Variants in NPR3 observed in about 807,000 individuals in gnomAD.
The protein encoded by NPR3 is atrial natriuretic peptide receptor 3.
Under a neutral mutation model 54.5 loss-of-function variants are expected in NPR3, and 34 were observed. The ratio of observed to expected loss-of-function variants is 0.62; its 90% CI spans 0.47 to 0.83. The LOEUF is 0.83. Among genes scored for constraint, NPR3 ranks in the 40% least tolerant of loss-of-function variants. The probability of loss-of-function intolerance (pLI) is 0.00; values close to 1 mark genes in which losing one functional copy is unlikely to be tolerated. For synonymous variants in NPR3, 289 were observed against 297.1 expected (o/e 0.97, Z 0.28); for missense variants, 674 against 720.8 (o/e 0.94, Z 0.74).
At chr5:32,739,059 TTA>T (rs759336605) in intron 3 of NPR3, 29 bp downstream of exon 3, 2 of 1,602,492 alleles carry the variant, frequency 1.2e-6, no homozygotes, top group Admixed American at 3.4e-5. Flanking sequence ...GCCTAGACCT[TTA>T]GCATCCTGAA....
rs998369327 is a variant in NPR3 at position 32,790,191 on chromosome 5, C to G, written c.*3846C>G. ...ATGAGATGATGGTGTTCAGAGGGAC[C>G]AGCTTCTTTTTCAGTTGTCTTTAGA... On this transcript the variant is annotated 3_prime_UTR_variant, in exon 8 of 8. Coordinates refer to ENST00000265074, the MANE Select transcript of NPR3 (RefSeq NM_001204375.2). 1 of 171,940 alleles carries G rather than the reference C, an allele frequency of 5.8e-6. No individual in the cohort carries two copies. The highest frequency in any genetic ancestry group is 1.4e-5 in the Non-Finnish European group (1 of 70,932). 10.7% of individuals were successfully genotyped at this position (171,940 alleles called of 1,614,324 possible).
intron 3 of NPR3, among the ~76,000 whole-genome samples, chr5:32,751,261 T>A (rs563688312): frequency 6.6e-6 from 1 of 152,308 alleles, no homozygotes; most frequent in South Asian, 2.1e-4. Flanking sequence ...ACTCTTTTGT[T>A]GTAAAATGAG....
At chr5:32,712,677 T>C in intron 1 of NPR3, 132 bp downstream of exon 1, 1 of 830,392 alleles carries the variant, frequency 1.2e-6, no homozygotes, top group Non-Finnish European at 1.9e-6. Flanking sequence ...GGGCACTCGT[T>C]CAGGTATGCG....
At chr5:32,740,435 G>A (rs930023744) in intron 3 of NPR3, among the ~76,000 whole-genome samples, 8 of 152,008 alleles carry the variant, frequency 5.3e-5, no homozygotes, top group African/African-American at 1.9e-4. Context: ...GACATACAAA[G>A]GTTCTTATAA....
At chr5:32,706,146 C>T (rs1163462429), upstream of NPR3, among the ~76,000 whole-genome samples, 3 of 152,230 alleles carry the variant, frequency 2.0e-5, no homozygotes, top group African/African-American at 7.2e-5. Context: ...TGGCACCTCC[C>T]TGCCAACCCT....
intron 3 of NPR3, among the ~76,000 whole-genome samples, chr5:32,748,790 AAT>A (rs1247651094): frequency 6.6e-6 from 1 of 152,180 alleles, no homozygotes; most frequent in Non-Finnish European, 1.5e-5. Context: ...ATTTCACAAT[AAT>A]ATGAGTGTTT....
chr5:32,713,022 G>T (rs1283207598), intron 1 of NPR3: 21 of 305,530 alleles, frequency 6.9e-5, no homozygotes, highest in Non-Finnish European at 9.6e-5. Context: ...CACTTAGCTC[G>T]CCCGCTCTTG....
intron 3 of NPR3, among the ~76,000 whole-genome samples, chr5:32,755,914 C>T (rs1740814091): frequency 6.6e-6 from 1 of 152,186 alleles, no homozygotes. Context: ...TCATCCATGT[C>T]CCTACAAAGG....
intron 4 of NPR3, among the ~76,000 whole-genome samples, chr5:32,777,902 A>AGTGT (rs1448441590): frequency 6.6e-6 from 1 of 152,208 alleles, no homozygotes; most frequent in African/African-American, 2.4e-5. Context: ...AGTTTTGCAC[A>AGTGT]ATACACTGAG....
At chr5:32,769,281 TG>T (rs1213513011) in intron 3 of NPR3, among the ~76,000 whole-genome samples, 1 of 152,228 alleles carries the variant, frequency 6.6e-6, no homozygotes, top group Non-Finnish European at 1.5e-5. Flanking sequence ...ATTTGTAAAG[TG>T]TTCATCAAAT....
chr5:32,743,560 C>T (rs1215581757), intron 3 of NPR3, among the ~76,000 whole-genome samples: 2 of 152,118 alleles, frequency 1.3e-5, no homozygotes, highest in Non-Finnish European at 2.9e-5. Context: ...CTGATTGTAA[C>T]CATTTCTGCA....
rs567549649 is a variant in NPR3 at position 32,743,517 on chromosome 5, A to C, written c.1059+4487A>C. ...CTCAGTTTTTCTTTATTCTGTTATA[A>C]AGTTGTGATGTGAGTTGCATTAGTA... On this transcript the variant is annotated intron_variant, in intron 3 of 7. Coordinates refer to ENST00000265074, the MANE Select transcript of NPR3 (RefSeq NM_001204375.2). Among the ~76,000 whole-genome samples the C allele has an allele frequency of 2.0e-5, 3 of 152,286 alleles. No homozygotes were observed. The South Asian group carries it at 6.2e-4, about 32-fold the overall frequency.
At chr5:32,734,402 G>T (rs1402923612) in intron 2 of NPR3, among the ~76,000 whole-genome samples, 1 of 152,172 alleles carries the variant, frequency 6.6e-6, no homozygotes, top group Admixed American at 6.5e-5. Flanking sequence ...GGAACTACAG[G>T]ATGGCACAGT....
At chr5:32,710,503 C>T, upstream of NPR3, 2 of 740,284 alleles carry the variant, frequency 2.7e-6, no homozygotes, top group Non-Finnish European at 3.9e-6. Context: ...TTCCTGCTCT[C>T]AGTGCGCTGA....
intron 5 of NPR3, among the ~76,000 whole-genome samples, 181 bp downstream of exon 5, chr5:32,780,997 T>G (rs1168660942): frequency 2.0e-5 from 3 of 152,212 alleles, no homozygotes; most frequent in African/African-American, 7.2e-5. Flanking sequence ...CCTTGTTTAT[T>G]CTAAATGAGG....
At chr5:32,785,420 GGATTACAGGTGT>G in intron 7 of NPR3, among the ~76,000 whole-genome samples, 1 of 152,084 alleles carries the variant, frequency 6.6e-6, no homozygotes, top group East Asian at 1.9e-4. Flanking sequence ...CAAAGTGCTG[GGATTACAGGTGT>G]GAGCCACTGT....
intron 3 of NPR3, among the ~76,000 whole-genome samples, chr5:32,745,267 G>C (rs1414065773): frequency 6.6e-6 from 1 of 152,200 alleles, no homozygotes; most frequent in African/African-American, 2.4e-5. Context: ...AATCTAAAGT[G>C]AGAAGTAAAG....
intron 3 of NPR3, among the ~76,000 whole-genome samples, chr5:32,760,354 T>G (rs150412749): frequency 6.6e-5 from 10 of 152,348 alleles, no homozygotes; most frequent in Admixed American, 2.0e-4. Flanking sequence ...CAACCTCATT[T>G]ACACTTGGTG....
intron 1 of NPR3, among the ~76,000 whole-genome samples, chr5:32,698,775 C>CCAATA (rs1381517106): frequency 6.8e-6 from 1 of 147,950 alleles, no homozygotes. Flanking sequence ...TCTATTTTGT[C>CCAATA]TAAGTATAGC....
Sources: allele counts gnomAD v4.1 joint callset (sites outside exome capture counted in the v4.1 genomes callset), GRCh38; gene constraint gnomAD v4.1.1; transcripts MANE v1.5; gene names NCBI Gene and HGNC (gene_info 2026-07-23, HGNC 2026-07-21).